The following SDK1 variants were observed in gnomAD, a reference collection of about 807,000 sequenced individuals.
The protein encoded by SDK1 is protein sidekick-1.
Under a neutral mutation model 245.5 loss-of-function variants are expected in SDK1, and 157 were observed. The ratio of observed to expected loss-of-function variants is 0.64; its 90% CI spans 0.56 to 0.73. The LOEUF is 0.73. Among genes scored for constraint, SDK1 ranks in the 30% least tolerant of loss-of-function variants. SDK1 has a pLI of 0.00. For missense variants in SDK1, 3,583 were observed against 3,002.3 expected (o/e 1.19, Z -4.52); for synonymous variants, 1,647 against 1,278.5 (o/e 1.29, Z -6.15).
chr7:3,308,276 GAT>G (rs1464908199), intron 1 of SDK1, among the ~76,000 whole-genome samples: 1 of 152,148 alleles, frequency 6.6e-6, no homozygotes, highest in African/African-American at 2.4e-5. Flanking sequence ...AACTTAAAAA[GAT>G]ATGAGAAAAT....
At chr7:3,720,192 G>A (rs963770724) in intron 4 of SDK1, among the ~76,000 whole-genome samples, 2 of 152,102 alleles carry the variant, frequency 1.3e-5, no homozygotes, top group Non-Finnish European at 2.9e-5. Flanking sequence ...AGAGGTGGAG[G>A]TTGCATTGAG....
intron 4 of SDK1, among the ~76,000 whole-genome samples, chr7:3,699,235 A>G (rs1297917504): frequency 6.6e-6 from 1 of 152,226 alleles, no homozygotes; most frequent in Non-Finnish European, 1.5e-5. Context: ...ATTGATCATA[A>G]CAAGAACCAA....
chr7:3,324,227 T>G (rs1171662323), intron 1 of SDK1, among the ~76,000 whole-genome samples: 5 of 152,214 alleles, frequency 3.3e-5, no homozygotes, highest in Admixed American at 2.6e-4. Context: ...ATTGTAAGAA[T>G]GTTTTTTAAA....
At chr7:3,595,764 C>T (rs1781034358) in intron 1 of SDK1, among the ~76,000 whole-genome samples, 1 of 128,304 alleles carries the variant, frequency 7.8e-6, no homozygotes, top group Non-Finnish European at 1.6e-5. Context: ...GGAGGCGGAG[C>T]TTGCAGTGAG....
intron 37 of SDK1, 145 bp from the exon 38 acceptor site, chr7:4,209,880 C>A (rs1784423926): frequency 2.6e-6 from 2 of 767,924 alleles, no homozygotes; most frequent in African/African-American, 1.8e-5. Flanking sequence ...ATCAATAAAT[C>A]TTTTCATTTT....
rs74481689 is a variant in SDK1 at position 4,070,125 on chromosome 7, T to G, written c.3010+2189T>G. Among the ~76,000 whole-genome samples, 53 of 152,346 alleles carry G rather than the reference T, an allele frequency of 3.5e-4. 2 individuals carry two copies. In the East Asian group the frequency reaches 0.01, roughly 29 times the overall value. On this transcript the variant is annotated intron_variant, in intron 20 of 44. Coordinates refer to ENST00000404826, the MANE Select transcript of SDK1 (RefSeq NM_152744.4). ...CGGAAGTGTTAATATGCGCTAACAA[T>G]TATAATTGCCATGTAAAAAATACTA...
chr7:4,145,785 G>A lies in SDK1; in HGVS notation c.4292G>A (p.Gly1431Asp), dbSNP rs1779927489. The A allele has an allele frequency of 6.2e-7, 1 of 1,613,770 alleles. No individual in the cohort carries two copies. The highest frequency in any genetic ancestry group is 8.5e-7 in the Non-Finnish European group (1 of 1,179,870). ...SPHTFTTVEV[G>D]ATVRQFTATD... ...CACACCTTCACCACCGTGGAGGTCGGCGCCACAGTGAGGCAGTTCACAGCC... is the reference window on the plus strand; with the variant it reads ...CACACCTTCACCACCGTGGAGGTCGACGCCACAGTGAGGCAGTTCACAGCC... Residue 1431 changes from glycine (G) to aspartate (D), a missense_variant, in exon 29 of 45, where the codon GGC becomes GAC. Physicochemically the swap from Gly to Asp is moderately conservative, Grantham distance 94. Transcript: ENST00000404826.
At chr7:3,826,126 G>C (rs1425912407) in intron 5 of SDK1, among the ~76,000 whole-genome samples, 3 of 152,100 alleles carry the variant, frequency 2.0e-5, no homozygotes, top group Non-Finnish European at 4.4e-5. Context: ...TCCTGAGCTG[G>C]TGTTGGACAG....
chr7:3,846,999 C>T (rs1007908842), intron 5 of SDK1, among the ~76,000 whole-genome samples: 3 of 152,144 alleles, frequency 2.0e-5, no homozygotes, highest in Admixed American at 6.5e-5. Flanking sequence ...CCCAGTGCCA[C>T]CCCAGTGTTC....
intron 4 of SDK1, among the ~76,000 whole-genome samples, chr7:3,765,234 C>A (rs749670255): frequency 2.6e-5 from 4 of 152,080 alleles, no homozygotes; most frequent in Non-Finnish European, 4.4e-5. Flanking sequence ...TGAGATGCAT[C>A]CATATATTAG....
Position 3,465,396 on chromosome 7 carries a change from A to G in SDK1, c.299-153684A>G. On this transcript the variant is annotated intron_variant, in intron 1 of 44. Coordinates refer to ENST00000404826, the MANE Select transcript of SDK1 (RefSeq NM_152744.4). ...AGAAGAAATAGGCATATGAAACATAATGAGTAACGTCAGCATAATTTGAGA... is the reference window on the plus strand; with the variant it reads ...AGAAGAAATAGGCATATGAAACATAGTGAGTAACGTCAGCATAATTTGAGA... Among the ~76,000 whole-genome samples the G allele has an allele frequency of 1.3e-5, 2 of 152,216 alleles. 1 individual carries two copies. Among genetic ancestry groups the G allele is most frequent in the East Asian group, 3.8e-4 (2 of 5,198 alleles).
intron 1 of SDK1, among the ~76,000 whole-genome samples, chr7:3,607,004 T>C (rs1051223224): frequency 5.9e-5 from 9 of 152,204 alleles, no homozygotes; most frequent in African/African-American, 1.9e-4. Flanking sequence ...ACTTTCTTCA[T>C]TGATTTGCTG....
intron 1 of SDK1, among the ~76,000 whole-genome samples, chr7:3,327,066 T>G (rs1779956895): frequency 6.6e-6 from 1 of 152,164 alleles, no homozygotes; most frequent in Non-Finnish European, 1.5e-5. Context: ...AATGTTCAGT[T>G]CCAGAAAGGT....
intron 1 of SDK1, among the ~76,000 whole-genome samples, chr7:3,590,300 CTT>C (rs200303832): frequency 0.023 from 2,209 of 96,104 alleles, 38 homozygotes; most frequent in African/African-American, 0.08. Context: ...TTTCCTGTTC[CTT>C]TTTTTTTTTT....
At chr7:3,312,150 G>C (rs1313408421) in intron 1 of SDK1, among the ~76,000 whole-genome samples, 2 of 152,170 alleles carry the variant, frequency 1.3e-5, no homozygotes, top group Non-Finnish European at 2.9e-5. Context: ...CCTCATAATT[G>C]GGGTGGATTC....
At chr7:3,993,102 T>C (rs1350459934) in intron 14 of SDK1, among the ~76,000 whole-genome samples, 2 of 152,236 alleles carry the variant, frequency 1.3e-5, no homozygotes, top group Admixed American at 1.3e-4. Context: ...AGAGCCGTTA[T>C]TTTACCTTCT....
chr7:3,835,144 G>C (rs527986342), intron 5 of SDK1, among the ~76,000 whole-genome samples: 1 of 152,154 alleles, frequency 6.6e-6, no homozygotes, highest in South Asian at 2.1e-4. Context: ...TTCAATCTTT[G>C]GTAAGTATAA....
intron 44 of SDK1, among the ~76,000 whole-genome samples, chr7:4,249,324 C>T (rs546115864): frequency 6.6e-6 from 1 of 152,334 alleles, no homozygotes; most frequent in African/African-American, 2.4e-5. Context: ...TCCCACCAGT[C>T]CTGCTCTCAG....
At chr7:4,024,408 C>T (rs896198691) in intron 17 of SDK1, among the ~76,000 whole-genome samples, 1 of 152,174 alleles carries the variant, frequency 6.6e-6, no homozygotes, top group African/African-American at 2.4e-5. Flanking sequence ...TCAGGCTGTA[C>T]CTGCAGAATA....
Sources: allele counts gnomAD v4.1 joint callset (sites outside exome capture counted in the v4.1 genomes callset), GRCh38; gene constraint gnomAD v4.1.1; transcripts MANE v1.5; gene names NCBI Gene and HGNC (gene_info 2026-07-23, HGNC 2026-07-21).